Variants in IKZF1 observed in about 807,000 individuals in gnomAD.
IKZF1 encodes the protein IKAROS family zinc finger 1.
A neutral mutation model predicts 51.7 loss-of-function variants in IKZF1; 10 were observed. The observed-to-expected ratio is 0.19, with a 90% CI of 0.12 to 0.33. The LOEUF (loss-of-function observed/expected upper bound fraction) is 0.33, where lower values mean the gene tolerates loss of function less well. IKZF1 is among the 10% of genes least tolerant of loss of function. The pLI, the probability that IKZF1 is intolerant of heterozygous loss-of-function variation, is 1.00. For synonymous variants in IKZF1, 280 were observed against 282.3 expected, an observed-to-expected ratio of 0.99 and a Z score of 0.08; for missense variants, 484 against 707.5, an observed-to-expected ratio of 0.68 and a Z score of 3.58.
intron 7 of IKZF1, among the ~76,000 whole-genome samples, chr7:50,392,466 A>G (rs1036460203): frequency 6.6e-6 from 1 of 152,074 alleles, no homozygotes; most frequent in Non-Finnish European, 1.5e-5. Flanking sequence ...ACACACCAAC[A>G]CCACCATCCA....
chr7:50,376,711 T>A lies in IKZF1; in HGVS notation c.339T>A (p.Pro113=). Residue 113 remains proline (P), a synonymous_variant, in exon 4 of 8, where the codon CCT becomes CCA. Coordinates refer to ENST00000331340, the MANE Select transcript of IKZF1 (RefSeq NM_006060.6). This position sits in a 1 kb window ranked among gnomAD's most constrained non-coding sequence, Gnocchi z 4.5. ...ALSGVGGIRL[P]NGKLKCDICG... ...CGGGAGTTGGAGGCATTCGACTTCC[T>A]AACGGAAAACTAAAGTGTGATATCT... 4.3e-6 allele frequency: 7 copies of A among 1,613,982 alleles called. No individual in the cohort carries two copies. Among genetic ancestry groups the A allele is most frequent in the Non-Finnish European group, 5.9e-6 (7 of 1,179,890 alleles).
rs1049409474 is a variant in IKZF1, at chr7:50,380,043, G to A, written c.422-2497G>A. 4.6e-5 allele frequency among the ~76,000 whole-genome samples: 7 copies of A among 152,306 alleles called. No individual in the cohort carries two copies. The East Asian group carries it at 1.3e-3, about 29-fold the overall frequency. ...ACTCAGCTGCAATAGCTGTTGACCT[G>A]CAGAAGGCAAATGATGGACCCCGGC... On this transcript the variant is annotated intron_variant, in intron 4 of 7. Transcript: ENST00000331340.
intron 1 of IKZF1, among the ~76,000 whole-genome samples, chr7:50,309,359 GTGGT>G (rs1789604214): frequency 6.6e-6 from 1 of 152,132 alleles, no homozygotes; most frequent in Non-Finnish European, 1.5e-5. Context: ...GGGATCCAAT[GTGGT>G]CTTGTCTGTC....
At position 50,404,398 on chromosome 7, in the gene IKZF1, T is replaced by G. The variant is rs542871065; in HGVS notation, c.*3771T>G. 2 of 227,868 alleles carry G rather than the reference T, an allele frequency of 8.8e-6. No individual in the cohort carries two copies. Among genetic ancestry groups the G allele is most frequent in the South Asian group, 1.8e-4 (1 of 5,484 alleles). 14.1% of individuals were successfully genotyped at this position (227,868 alleles called of 1,614,324 possible). On this transcript the variant is annotated 3_prime_UTR_variant, in exon 8 of 8. Transcript: ENST00000331340. ...CCTTTTGTACACATTTTGAAATGCT[T>G]CTTCTGTAGTGATAGAACAAATAAA...
intron 2 of IKZF1, among the ~76,000 whole-genome samples, chr7:50,325,180 C>T (rs1226111531): frequency 6.6e-6 from 1 of 151,746 alleles, no homozygotes; most frequent in Non-Finnish European, 1.5e-5. Flanking sequence ...TGCAAGCTCC[C>T]TGCTTTATGT....
intron 7 of IKZF1, among the ~76,000 whole-genome samples, chr7:50,393,397 G>T (rs887914096): frequency 3.3e-5 from 5 of 152,172 alleles, no homozygotes; most frequent in African/African-American, 1.2e-4. Context: ...GAGGCCAAGG[G>T]TCCCAGAGGG....
chr7:50,359,303 A>T (rs1375627003), intron 3 of IKZF1, among the ~76,000 whole-genome samples: 1 of 152,210 alleles, frequency 6.6e-6, no homozygotes, highest in African/African-American at 2.4e-5. Context: ...ACAAGTCACA[A>T]TTCCTTGCTC....
intron 3 of IKZF1, among the ~76,000 whole-genome samples, chr7:50,357,231 C>A (rs1414258850): frequency 6.6e-6 from 1 of 152,028 alleles, no homozygotes; most frequent in Non-Finnish European, 1.5e-5. Flanking sequence ...AAGCAGGGAC[C>A]TCTCACAGTT....
rs781489023 is a variant in IKZF1 at position 50,400,677 on chromosome 7, C to T, written c.*50C>T. On this transcript the variant is annotated 3_prime_UTR_variant, in exon 8 of 8. Coordinates refer to ENST00000331340, the MANE Select transcript of IKZF1 (RefSeq NM_006060.6). The surrounding 1 kb of genome is among the most constrained non-coding windows in gnomAD (Gnocchi z 5.4). ...ACCCCGAGCCACCCCAGGAAAAGCA[C>T]AAGGACTGCCGCCTTCTCGCTCCCG... 1 of 1,553,750 alleles carries T rather than the reference C, an allele frequency of 6.4e-7. No homozygotes were observed. The highest frequency in any genetic ancestry group is 2.4e-5 in the East Asian group (1 of 42,478).
intron 7 of IKZF1, chr7:50,393,969 C>G (rs910208514): frequency 4.3e-6 from 1 of 232,438 alleles, no homozygotes; most frequent in African/African-American, 2.2e-5. Context: ...CTTTTGGAGA[C>G]TTGAAACCAA....
At position 50,376,342 on chromosome 7, in the gene IKZF1, G is replaced by A. The variant is rs74412507; in HGVS notation, c.161-191G>A. On this transcript the variant is annotated intron_variant, in intron 3 of 7. Coordinates refer to ENST00000331340, the MANE Select transcript of IKZF1 (RefSeq NM_006060.6). The surrounding 1 kb of genome is among the most constrained non-coding windows in gnomAD (Gnocchi z 4.5). ...CTCCCTGTAACCCCAGGTGCATCCCGAGGCCTGCCACCGAAGCCCACTCAA... is the reference window on the plus strand; with the variant it reads ...CTCCCTGTAACCCCAGGTGCATCCCAAGGCCTGCCACCGAAGCCCACTCAA... 0.063 allele frequency among the ~76,000 whole-genome samples: 9,523 copies of A among 152,266 alleles called. 361 individuals are homozygous for A. Among genetic ancestry groups the A allele is most frequent in the South Asian group, 0.14 (662 of 4,824 alleles).
chr7:50,385,483 G>T (rs76724704), intron 5 of IKZF1, among the ~76,000 whole-genome samples: 11,180 of 152,230 alleles, frequency 0.073, 538 homozygotes, highest in South Asian at 0.094. Flanking sequence ...TGCTGGGGGA[G>T]CTGGAGGGGT....
chr7:50,318,465 G>T (rs1174098397), intron 1 of IKZF1: 4 of 228,614 alleles, frequency 1.7e-5, no homozygotes, highest in Admixed American at 5.7e-5. Flanking sequence ...AAGATTGAGG[G>T]ACAAAGACAG....
chr7:50,399,477 T>G (rs889110117), intron 7 of IKZF1, among the ~76,000 whole-genome samples: 1 of 151,636 alleles, frequency 6.6e-6, no homozygotes, highest in African/African-American at 2.4e-5. Flanking sequence ...AATATAATTA[T>G]TGTCTATTTT....
chr7:50,377,079 A>G, intron 4 of IKZF1: 1 of 453,200 alleles, frequency 2.2e-6, no homozygotes, highest in Non-Finnish European at 3.9e-6. Context: ...TTATAGTAAC[A>G]CATACTAAGT....
chr7:50,395,841 C>CA (rs1449930476), intron 7 of IKZF1, among the ~76,000 whole-genome samples: 1 of 152,146 alleles, frequency 6.6e-6, no homozygotes, highest in African/African-American at 2.4e-5. Flanking sequence ...AGCATTTTGA[C>CA]AGAGTCTATG....
chr7:50,389,245 C>T (rs1224249561), intron 6 of IKZF1, among the ~76,000 whole-genome samples: 1 of 152,208 alleles, frequency 6.6e-6, no homozygotes, highest in Non-Finnish European at 1.5e-5. Context: ...GGAGTGGATA[C>T]ACGTGTGAGC....
chr7:50,341,794 T>G (rs1007429735), intron 3 of IKZF1, among the ~76,000 whole-genome samples: 8 of 152,202 alleles, frequency 5.3e-5, no homozygotes, highest in African/African-American at 1.9e-4. Flanking sequence ...AATGAAATAT[T>G]TTACTCTTTT....
At chr7:50,308,139 A>T (rs543035350) in intron 1 of IKZF1, among the ~76,000 whole-genome samples, 6 of 152,302 alleles carry the variant, frequency 3.9e-5, no homozygotes, top group Admixed American at 6.5e-5. Flanking sequence ...GACATTATGA[A>T]ACCTTATGAA....
Sources: allele counts gnomAD v4.1 joint callset (sites outside exome capture counted in the v4.1 genomes callset), GRCh38; gene constraint gnomAD v4.1.1; non-coding constraint Gnocchi (gnomAD v3.1); transcripts MANE v1.5; gene names NCBI Gene and HGNC (gene_info 2026-07-23, HGNC 2026-07-21).